Variants in KRT38 observed in about 807,000 individuals in gnomAD.
KRT38 encodes keratin 38.
In KRT38, 45 loss-of-function variants were observed where a neutral mutation model predicts 43.1. The observed-to-expected ratio is 1.04, with a 90% CI of 0.82 to 1.34. The LOEUF is 1.34. KRT38 is among the 40% of genes most tolerant of loss of function. The pLI, the probability that KRT38 is intolerant of heterozygous loss-of-function variation, is 0.00. For synonymous variants in KRT38, 258 were observed against 244.0 expected (o/e 1.06, Z -0.53); for missense variants, 627 against 586.2 (o/e 1.07, Z -0.72).
In KRT38 at chr17:41,437,319, C is replaced by T. The variant is rs2018736139; in HGVS notation, c.*93G>A. 3.3e-5 allele frequency: 45 copies of T among 1,358,762 alleles called. No homozygotes were observed. In the South Asian group the frequency reaches 7.8e-4, roughly 24 times the overall value. The allele number at this position is 1,358,762 out of a possible 1,614,324, so 84.2% of individuals were successfully genotyped here. A position where few individuals can be genotyped will look rare whatever the true frequency, so the allele number is the denominator to read the frequency against. Reference sequence around the variant, plus strand: ...TAGCCTTTGGACAGGCCTATACATACAGAAAGTTAGAAGCCAGATTTTCTA... The same window carrying T: ...TAGCCTTTGGACAGGCCTATACATATAGAAAGTTAGAAGCCAGATTTTCTA... On this transcript the variant is annotated 3_prime_UTR_variant, in exon 7 of 7. Coordinates refer to ENST00000246646, the MANE Select transcript of KRT38 (RefSeq NM_006771.4).
Position 41,439,257 on chromosome 17 carries a change from G to A in KRT38, c.678C>T (p.Ala226=), listed in dbSNP as rs751973168. 2 of 1,614,168 alleles carry A rather than the reference G, an allele frequency of 1.2e-6. No individual in the cohort carries two copies. Among genetic ancestry groups the A allele is most frequent in the Non-Finnish European group, 8.5e-7 (1 of 1,180,034 alleles). Reference sequence around the variant, plus strand: ...GCTCCTCCTTCAGGGACTCCTGCTGGGCCTCCAGGTCGGCCTTGGCCAGGG... The same window carrying A: ...GCTCCTCCTTCAGGGACTCCTGCTGAGCCTCCAGGTCGGCCTTGGCCAGGG... ...DATLAKADLE[A]QQESLKEEQL... The change falls in exon 3 of 7, where the codon GCC becomes GCT. Residue 226 remains alanine (A), a synonymous_variant. Transcript: ENST00000246646.
intron 4 of KRT38, 21 bp downstream of exon 4, chr17:41,438,676 T>C (rs1193307269): frequency 2.6e-6 from 4 of 1,540,654 alleles, no homozygotes; most frequent in South Asian, 1.1e-5. Flanking sequence ...TACCCCCTGG[T>C]TCTATACCCC....
chr17:41,439,385 A>G lies in KRT38; in HGVS notation c.576-26T>C, dbSNP rs768561288. 8.7e-6 allele frequency: 14 copies of G among 1,608,952 alleles called. No homozygotes were observed. In the East Asian group the frequency reaches 2.9e-4, roughly 33 times the overall value. On this transcript the variant is annotated intron_variant, in intron 2 of 6. Coordinates refer to ENST00000246646, the MANE Select transcript of KRT38 (RefSeq NM_006771.4). ...CTTTCATCACAGGAGGTACAGGGTC[A>G]AAAAGAATGCCCCCAAGAGCCCCTC...
In KRT38 at chr17:41,440,440, A is replaced by T. The variant is rs909508623; in HGVS notation, c.482T>A (p.Leu161His). The T allele has an allele frequency of 1.4e-5, 23 of 1,613,064 alleles. No homozygotes were observed. The highest frequency in any genetic ancestry group is 1.9e-5 in the Non-Finnish European group (22 of 1,179,224). Reference sequence around the variant, plus strand: ...GATCCCACACCTCACCTTCTGTTGGAGCTCCTCGATGGTGTGGAAGTAAGA... The same window carrying T: ...GATCCCACACCTCACCTTCTGTTGGTGCTCCTCGATGGTGTGGAAGTAAGA... ...YQSYFHTIEE[L>H]QQKILCSKAE... The change falls in exon 1 of 7, where the codon CTC (leucine) becomes CAC (histidine). Residue 161 changes from leucine to histidine, a missense_variant. Leu to His is a moderately conservative substitution (Grantham distance 99). Transcript: ENST00000246646.
In KRT38 at chr17:41,437,439, T is replaced by TCCACAGGTGGGC; in HGVS notation, c.1332_1343dup (p.Pro445_Gly448dup). On this transcript the variant is annotated inframe_insertion, in exon 7 of 7. Coordinates refer to ENST00000246646, the MANE Select transcript of KRT38 (RefSeq NM_006771.4). ...AGAATCGGCTTCCGGTGGTGCTGGC[T>TCCACAGGTGGGC]CCACAGGTGGGCCCACAGGTGGTGC... 6.4e-7 allele frequency: 1 copy of TCCACAGGTGGGC among 1,569,754 alleles called. No individual in the cohort carries two copies. Among genetic ancestry groups the TCCACAGGTGGGC allele is most frequent in the Non-Finnish European group, 8.6e-7 (1 of 1,162,858 alleles).
At position 41,436,577 on chromosome 17, in the gene KRT38, T is replaced by C. The variant is rs1254357875; in HGVS notation, c.*835A>G. On this transcript the variant is annotated 3_prime_UTR_variant, in exon 7 of 7. Transcript: ENST00000246646. ...AGCAAATCTCTACCCATTGAATCAA[T>C]AGGTTTCAATACTTCAGGAGAAAGT... 1.3e-5 allele frequency: 2 copies of C among 152,122 alleles called. No homozygotes were observed. The highest frequency in any genetic ancestry group is 2.4e-5 in the African/African-American group (1 of 41,412). The allele number at this position is 152,122 out of a possible 1,614,324, so 9.4% of individuals were successfully genotyped here.
rs2018751100 is a variant in KRT38 at position 41,438,166 on chromosome 17, G to A, written c.1168C>T (p.Leu390=). Residue 390 remains leucine (L), a synonymous_variant, in exon 6 of 7, where the codon CTG becomes TTG. Transcript: ENST00000246646. ...LERQNQEYQV[L]LDVKTRLENE... is the part of the protein sequence containing the mutation. Reference sequence around the variant, plus strand: ...TCCAGCCGGGTCTTCACGTCCAGCAGCACCTGGTACTCCTGGTTTTGCCGC... The same window carrying A: ...TCCAGCCGGGTCTTCACGTCCAGCAACACCTGGTACTCCTGGTTTTGCCGC... The A allele has an allele frequency of 3.1e-6, 5 of 1,614,052 alleles. No individual in the cohort carries two copies. Among genetic ancestry groups the A allele is most frequent in the Non-Finnish European group, 4.2e-6 (5 of 1,180,036 alleles).
rs200063160 is a variant in KRT38, at chr17:41,440,423, A to G, written c.492+7T>C. On this transcript the variant is annotated splice_region_variant and intron_variant, in intron 1 of 6. Coordinates refer to ENST00000246646, the MANE Select transcript of KRT38 (RefSeq NM_006771.4). ...ACCCAGCACACCCAAGCGATCCCACACCTCACCTTCTGTTGGAGCTCCTCG... is the reference window on the plus strand; with the variant it reads ...ACCCAGCACACCCAAGCGATCCCACGCCTCACCTTCTGTTGGAGCTCCTCG... 246 of 1,611,938 alleles carry G rather than the reference A, an allele frequency of 1.5e-4. 1 individual carries two copies. Among genetic ancestry groups the G allele is most frequent in the Admixed American group, 6.8e-4 (41 of 59,976 alleles).
chr17:41,438,428 A>T, intron 5 of KRT38, 63 bp downstream of exon 5: 9 of 1,611,136 alleles, frequency 5.6e-6, no homozygotes, highest in Non-Finnish European at 7.6e-6. Flanking sequence ...GACCTCCAAA[A>T]TAAAATGCTA....
rs1336501547 is a variant in KRT38, at chr17:41,436,844, C to T, written c.*568G>A. 1.3e-5 allele frequency: 2 copies of T among 152,186 alleles called. No homozygotes were observed. The highest frequency in any genetic ancestry group is 6.5e-5 in the Admixed American group (1 of 15,278). 9.4% of individuals were successfully genotyped at this position (152,186 alleles called of 1,614,324 possible). On this transcript the variant is annotated 3_prime_UTR_variant, in exon 7 of 7. Transcript: ENST00000246646. ...GCTAGAAACCCTGAAGTAGAGAAAA[C>T]TCAGGATTTGATACAAGGAAAGTTT...
intron 5 of KRT38, 35 bp from the exon 6 acceptor site, chr17:41,438,348 G>A (rs769693641): frequency 6.2e-7 from 1 of 1,605,958 alleles, no homozygotes; most frequent in South Asian, 1.1e-5. Context: ...AATATACAAG[G>A]CCCCAAGGGA....
At chr17:41,438,384 T>A in intron 5 of KRT38, 71 bp from the exon 6 acceptor site, 2 of 1,603,374 alleles carry the variant, frequency 1.2e-6, no homozygotes, top group African/African-American at 2.7e-5. Flanking sequence ...CAAATTTTGA[T>A]GGTGATAACA....
chr17:41,438,456 G>T (rs766918442), intron 5 of KRT38, 35 bp downstream of exon 5: 1 of 1,614,022 alleles, frequency 6.2e-7, no homozygotes, highest in Non-Finnish European at 8.5e-7. Context: ...ATGGCACGGG[G>T]CATTTGCAGT....
Position 41,438,203 on chromosome 17 carries a change from C to G in KRT38, c.1131G>C (p.Arg377=), listed in dbSNP as rs1334475073. The change falls in exon 6 of 7, where the codon CGG becomes CGC. Residue 377 remains arginine, a synonymous_variant. Coordinates refer to ENST00000246646, the MANE Select transcript of KRT38 (RefSeq NM_006771.4). ...CCTGGTTTTGCCGCTCCAGGTCGGC[C>G]CGGATCTCAGACAGCTGCTCCTCCA... ...SNVEEQLSEI[R]ADLERQNQEY... The G allele has an allele frequency of 6.2e-7, 1 of 1,614,166 alleles. No individual in the cohort carries two copies. Among genetic ancestry groups the G allele is most frequent in the Non-Finnish European group, 8.5e-7 (1 of 1,180,034 alleles).
At position 41,438,242 on chromosome 17, in the gene KRT38, G is replaced by A; in HGVS notation, c.1092C>T (p.Ser364=). Reference sequence around the variant, plus strand: ...GCTGCTCCTCCACGTTGCTGATGAGGCTCTGCATCTGGGCCAGCTCCGTGC... The same window carrying A: ...GCTGCTCCTCCACGTTGCTGATGAGACTCTGCATCTGGGCCAGCTCCGTGC... The part of the protein sequence containing the change: ...RFGTELAQMQ[S]LISNVEEQLS... The change falls in exon 6 of 7, where the codon AGC becomes AGT. Residue 364 remains serine, a synonymous_variant. Transcript: ENST00000246646. 1.2e-6 allele frequency: 2 copies of A among 1,614,192 alleles called. No individual in the cohort carries two copies. Among genetic ancestry groups the A allele is most frequent in the Non-Finnish European group, 1.7e-6 (2 of 1,180,034 alleles).
At chr17:41,438,001 C>T in intron 6 of KRT38, 92 bp downstream of exon 6, 1 of 1,262,956 alleles carries the variant, frequency 7.9e-7, no homozygotes, top group African/African-American at 1.5e-5. Flanking sequence ...CAGAGAGCCT[C>T]ATTCTACATA....
intron 2 of KRT38, among the ~76,000 whole-genome samples, chr17:41,439,725 G>T (rs548543182): frequency 1.4e-4 from 21 of 152,260 alleles, no homozygotes; most frequent in African/African-American, 5.1e-4. Flanking sequence ...GTGATCTGCG[G>T]CTCCTTATCC....
In KRT38 at chr17:41,438,596, C is replaced by T; in HGVS notation, c.915G>A (p.Gln305=). 6.2e-7 allele frequency: 1 copy of T among 1,614,152 alleles called. No individual in the cohort carries two copies. Among genetic ancestry groups the T allele is most frequent in the Non-Finnish European group, 8.5e-7 (1 of 1,180,020 alleles). Residue 305 remains glutamine, a synonymous_variant, in exon 5 of 7, where the codon CAG becomes CAA. Transcript: ENST00000246646. Reference sequence around the variant, plus strand: ...GCAGCTCCTCGGAGCAGGACATGTCCTGCAGGCTGATGCCTTCAGACTGGA... The same window carrying T: ...GCAGCTCCTCGGAGCAGGACATGTCTTGCAGGCTGATGCCTTCAGACTGGA... ...FQAQSEGISL[Q]DMSCSEELQC... is the part of the protein sequence containing the mutation.
Position 41,440,204 on chromosome 17 carries a change from G to C in KRT38, c.532C>G (p.Gln178Glu). 1 of 1,614,214 alleles carries C rather than the reference G, an allele frequency of 6.2e-7. No homozygotes were observed. Among genetic ancestry groups the C allele is most frequent in the Non-Finnish European group, 8.5e-7 (1 of 1,180,044 alleles). The change falls in exon 2 of 7, where the codon CAA (glutamine) becomes GAA (glutamate). Residue 178 changes from glutamine to glutamate, a missense_variant. Transcript: ENST00000246646. Reference sequence around the variant, plus strand: ...GCAGCCAGCTTGGCATTGTCAATTTGTACAATCAGCCTGGCATTCTCGGCC... The same window carrying C: ...GCAGCCAGCTTGGCATTGTCAATTTCTACAATCAGCCTGGCATTCTCGGCC... ...SKAENARLIV[Q>E]IDNAKLAADD...
Sources: allele counts gnomAD v4.1 joint callset (sites outside exome capture counted in the v4.1 genomes callset), GRCh38; gene constraint gnomAD v4.1.1; transcripts MANE v1.5; gene names NCBI Gene and HGNC (gene_info 2026-07-23, HGNC 2026-07-21).